FPGT: variants seen among roughly 807,000 people sequenced by gnomAD.
The protein encoded by FPGT is GDP-L-fucose diphosphorylase.
A neutral mutation model predicts 45.8 loss-of-function variants in FPGT; 41 were observed. That is an observed-to-expected ratio of 0.90 (90% CI 0.70 to 1.16). The LOEUF (loss-of-function observed/expected upper bound fraction) is 1.16. Ranked by LOEUF, FPGT falls within the 50% of genes most tolerant of loss-of-function variation. The probability of loss-of-function intolerance (pLI) is 0.00; values close to 1 mark genes in which losing one functional copy is unlikely to be tolerated. For synonymous variants in FPGT, 292 were observed against 247.2 expected (o/e 1.18, Z -1.70); for missense variants, 755 against 689.1 (o/e 1.10, Z -1.07).
At chr1:74,201,016 T>C (rs1651743465) in intron 2 of FPGT, among the ~76,000 whole-genome samples, 1 of 152,234 alleles carries the variant, frequency 6.6e-6, no homozygotes, top group South Asian at 2.1e-4. Context: ...TTTATCAGTC[T>C]TCTAGTGTTA....
intron 2 of FPGT, among the ~76,000 whole-genome samples, chr1:74,200,409 A>T (rs925822889): frequency 6.6e-6 from 1 of 151,878 alleles, no homozygotes; most frequent in Non-Finnish European, 1.5e-5. Flanking sequence ...AGATATCTGT[A>T]TATGACATTA....
chr1:74,198,339 C>A lies in FPGT; in HGVS notation c.61C>A (p.Arg21=). 2 of 1,614,096 alleles carry A rather than the reference C, an allele frequency of 1.2e-6. No homozygotes were observed. Among genetic ancestry groups the A allele is most frequent in the Non-Finnish European group, 1.7e-6 (2 of 1,180,012 alleles). Reference sequence around the variant, plus strand: ...GCGAGAAGCCACCCAGCGAAAATTGCGGAGGTTTTCCGAGCTAAGAGGTAC... The same window carrying A: ...GCGAGAAGCCACCCAGCGAAAATTGAGGAGGTTTTCCGAGCTAAGAGGTAC... ...SLREATQRKL[R]RFSELRGKLV... Residue 21 remains arginine, a synonymous_variant, in exon 1 of 4, where the codon CGG becomes AGG. Transcript: ENST00000370898.
In FPGT at chr1:74,206,068, G is replaced by T; in HGVS notation, c.*236G>T. On this transcript the variant is annotated 3_prime_UTR_variant, in exon 4 of 4. Transcript: ENST00000370898. ...TATCAGTATTTTTGTTTTTAATAATGATTGATTTGTGGAGCATTGTTTTTT... is the reference window on the plus strand; with the variant it reads ...TATCAGTATTTTTGTTTTTAATAATTATTGATTTGTGGAGCATTGTTTTTT... 1 of 339,122 alleles carries T rather than the reference G, an allele frequency of 2.9e-6. No individual in the cohort carries two copies. Among genetic ancestry groups the T allele is most frequent in the Non-Finnish European group, 5.3e-6 (1 of 188,092 alleles). 21.0% of individuals were successfully genotyped at this position (339,122 alleles called of 1,614,324 possible). A position where few individuals can be genotyped will look rare whatever the true frequency, so the allele number is the denominator to read the frequency against.
chr1:74,200,249 A>G (rs895370036), intron 2 of FPGT, among the ~76,000 whole-genome samples: 1 of 152,202 alleles, frequency 6.6e-6, no homozygotes, highest in Non-Finnish European at 1.5e-5. Context: ...ACACTGTCAC[A>G]TGGCTTAAAT....
In FPGT at chr1:74,198,326, C is replaced by T. The variant is rs1483326789; in HGVS notation, c.48C>T (p.Thr16=). 13 of 1,614,118 alleles carry T rather than the reference C, an allele frequency of 8.1e-6. No homozygotes were observed. The highest frequency in any genetic ancestry group is 1.3e-5 in the African/African-American group (1 of 75,026). ...CGGAAGTATCGCTGCGAGAAGCCAC[C>T]CAGCGAAAATTGCGGAGGTTTTCCG... ...DPPEVSLREA[T]QRKLRRFSEL... is the part of the protein sequence containing the mutation. The change falls in exon 1 of 4, where the codon ACC becomes ACT. Residue 16 remains threonine, a synonymous_variant. Coordinates refer to ENST00000370898, the MANE Select transcript of FPGT (RefSeq NM_003838.5).
intron 3 of FPGT, 65 bp downstream of exon 3, chr1:74,201,475 T>G: frequency 6.6e-6 from 7 of 1,062,594 alleles, no homozygotes; most frequent in Non-Finnish European, 9.4e-6. Context: ...CTTTAGAGAC[T>G]TTTTTCTTTC....
In FPGT at chr1:74,205,789, A is replaced by G. The variant is rs768537296; in HGVS notation, c.1742A>G (p.Glu581Gly). 23 of 1,576,470 alleles carry G rather than the reference A, an allele frequency of 1.5e-5. 1 individual carries two copies. Among genetic ancestry groups the G allele is most frequent in the Non-Finnish European group, 1.8e-5 (21 of 1,151,004 alleles). The change falls in exon 4 of 4, where the codon GAA becomes GGA. Residue 581 changes from glutamate (E) to glycine (G), a missense_variant. Physicochemically the swap from Glu to Gly is moderately conservative, Grantham distance 98 (BLOSUM62 -2). Coordinates refer to ENST00000370898, the MANE Select transcript of FPGT (RefSeq NM_003838.5). ...KDVEDMITYR[E>G]QIFLEISLKS... Reference sequence around the variant, plus strand: ...GTAGAAGATATGATAACTTACAGGGAACAAATTTTTCTAGAAATCAGTTTA... The same window carrying G: ...GTAGAAGATATGATAACTTACAGGGGACAAATTTTTCTAGAAATCAGTTTA...
At chr1:74,203,157 A>G (rs952585654) in intron 3 of FPGT, among the ~76,000 whole-genome samples, 2 of 152,168 alleles carry the variant, frequency 1.3e-5, no homozygotes, top group African/African-American at 4.8e-5. Flanking sequence ...TAGTTTAGTA[A>G]ACTGGCAGCA....
rs753179076 is a variant in FPGT, at chr1:74,204,847, A to G, written c.800A>G (p.Tyr267Cys). Reference protein sequence around the residue: ...DIADLKLDSDYVYTDSLFYMD... With the variant: ...DIADLKLDSDCVYTDSLFYMD... ...GCCGATCTTAAATTAGACTCTGACTATGTCTACACAGATAGCCTATTTTAT... is the reference window on the plus strand; with the variant it reads ...GCCGATCTTAAATTAGACTCTGACTGTGTCTACACAGATAGCCTATTTTAT... Residue 267 changes from tyrosine to cysteine, a missense_variant, in exon 4 of 4, where the codon TAT becomes TGT. Physicochemically the swap from Tyr to Cys is radical, Grantham distance 194 (BLOSUM62 -2). Transcript: ENST00000370898. 5.6e-5 allele frequency: 91 copies of G among 1,613,706 alleles called. No homozygotes were observed. The African/African-American group carries it at 6.0e-4, about 11-fold the overall frequency.
At chr1:74,200,875 A>AT (rs1249539106) in intron 2 of FPGT, 15 of 155,168 alleles carry the variant, frequency 9.7e-5, no homozygotes, top group South Asian at 2.0e-4. Context: ...TATATTTAAG[A>AT]TTTTTTTTTG....
intron 3 of FPGT, 104 bp downstream of exon 3, chr1:74,201,514 G>GAAGGA: frequency 4.2e-6 from 3 of 708,214 alleles, no homozygotes; most frequent in Non-Finnish European, 6.5e-6. Flanking sequence ...TTTTTTAAAA[G>GAAGGA]AATCTTTGAA....
intron 1 of FPGT, chr1:74,198,569 G>A: frequency 1.5e-6 from 1 of 654,418 alleles, no homozygotes; most frequent in East Asian, 2.8e-5. Flanking sequence ...TTTATTCTTA[G>A]TAGTATAGAT....
intron 1 of FPGT, among the ~76,000 whole-genome samples, chr1:74,198,620 A>G (rs1490954059): frequency 6.6e-6 from 1 of 152,200 alleles, no homozygotes; most frequent in African/African-American, 2.4e-5. Flanking sequence ...AAATCTTACT[A>G]GTGAAGTTAT....
Position 74,205,474 on chromosome 1 carries a change from A to G in FPGT, c.1427A>G (p.Asn476Ser), listed in dbSNP as rs764992943. The G allele has an allele frequency of 1.2e-6, 2 of 1,613,826 alleles. No homozygotes were observed. Among genetic ancestry groups the G allele is most frequent in the Non-Finnish European group, 8.5e-7 (1 of 1,179,674 alleles). ...YATMAFGVQDNLKKSVKTLSD... is the reference protein window; with the variant it reads ...YATMAFGVQDSLKKSVKTLSD... Reference sequence around the variant, plus strand: ...ACTATGGCATTTGGAGTGCAAGACAACTTGAAAAAGAGTGTGAAAACATTG... The same window carrying G: ...ACTATGGCATTTGGAGTGCAAGACAGCTTGAAAAAGAGTGTGAAAACATTG... The change falls in exon 4 of 4, where the codon AAC becomes AGC. Residue 476 changes from asparagine (N) to serine (S), a missense_variant. By Grantham distance (46) the Asn-to-Ser change is conservative (BLOSUM62 1). Transcript: ENST00000370898.
In FPGT at chr1:74,205,486, G is replaced by A. The variant is rs752365238; in HGVS notation, c.1439G>A (p.Ser480Asn). 67 of 1,613,186 alleles carry A rather than the reference G, an allele frequency of 4.2e-5. No homozygotes were observed. Among genetic ancestry groups the A allele is most frequent in the Non-Finnish European group, 5.3e-5 (62 of 1,179,258 alleles). ...GGAGTGCAAGACAACTTGAAAAAGA[G>A]TGTGAAAACATTGTCAGATATAAAG... Reference protein sequence around the residue: ...AFGVQDNLKKSVKTLSDIKLL... With the variant: ...AFGVQDNLKKNVKTLSDIKLL... Residue 480 changes from serine to asparagine, a missense_variant, in exon 4 of 4, where the codon AGT (serine) becomes AAT (asparagine). By Grantham distance (46) the Ser-to-Asn change is conservative. Transcript: ENST00000370898.
rs1248118024 is a variant in FPGT at position 74,207,009 on chromosome 1, T to C, written c.*1177T>C. 1.3e-5 allele frequency: 2 copies of C among 152,058 alleles called. No individual in the cohort carries two copies. Among genetic ancestry groups the C allele is most frequent in the East Asian group, 3.8e-4 (2 of 5,198 alleles). The allele number at this position is 152,058 out of a possible 1,614,324, so 9.4% of individuals were successfully genotyped here. A position where few individuals can be genotyped will look rare whatever the true frequency, so the allele number is the denominator to read the frequency against. On this transcript the variant is annotated 3_prime_UTR_variant, in exon 4 of 4. Coordinates refer to ENST00000370898, the MANE Select transcript of FPGT (RefSeq NM_003838.5). ...TATGATACTTATGTGCGTGTTTTTT[T>C]TTCCAAAGTTTTTCCCAAGGAGAAG...
At position 74,204,632 on chromosome 1, in the gene FPGT, T is replaced by C; in HGVS notation, c.585T>C (p.Ser195=). The C allele has an allele frequency of 1.2e-6, 2 of 1,613,866 alleles. No homozygotes were observed. Among genetic ancestry groups the C allele is most frequent in the Non-Finnish European group, 1.7e-6 (2 of 1,179,770 alleles). Residue 195 remains serine, a synonymous_variant, in exon 4 of 4, where the codon TCT becomes TCC. Transcript: ENST00000370898. ...KPGFTALAHP[S]SLTIGTTHGV... ...GCTTTACTGCTTTAGCTCATCCTTC[T>C]AGTTTGACGATAGGTACCACACATG...
At position 74,199,949 on chromosome 1, in the gene FPGT, T is replaced by C. The variant is rs377443940; in HGVS notation, c.250+118T>C. On this transcript the variant is annotated intron_variant, in intron 2 of 3. Transcript: ENST00000370898. ...TATCTCTACCCACAGCTTTACAAAC[T>C]TTAAAATTTGAACATAAATTGACTT... 1.8e-5 allele frequency: 21 copies of C among 1,179,392 alleles called. No individual in the cohort carries two copies. In the South Asian group the frequency reaches 2.3e-4, roughly 13 times the overall value. 73.1% of individuals were successfully genotyped at this position (1,179,392 alleles called of 1,614,324 possible). A position where few individuals can be genotyped will look rare whatever the true frequency, so the allele number is the denominator to read the frequency against.
chr1:74,205,735 C>A lies in FPGT; in HGVS notation c.1688C>A (p.Ser563Tyr). The change falls in exon 4 of 4, where the codon TCC (serine) becomes TAC (tyrosine). Residue 563 changes from serine (S) to tyrosine (Y), a missense_variant. Transcript: ENST00000370898. ...AGCCTGAATAGCTATAAGTTGCTGT[C>A]CATTGAAGAAATGCTTATCTACAAA... ...AFSLNSYKLL[S>Y]IEEMLIYKDV... 1 of 1,603,852 alleles carries A rather than the reference C, an allele frequency of 6.2e-7. No homozygotes were observed. Among genetic ancestry groups the A allele is most frequent in the Non-Finnish European group, 8.5e-7 (1 of 1,170,862 alleles).
Sources: allele counts gnomAD v4.1 joint callset (sites outside exome capture counted in the v4.1 genomes callset), GRCh38; gene constraint gnomAD v4.1.1; transcripts MANE v1.5; gene names NCBI Gene and HGNC (gene_info 2026-07-23, HGNC 2026-07-21).